Variants in GALNT18 observed in about 807,000 individuals in gnomAD.
GALNT18 encodes the protein GalNAc-transferase 18.
In GALNT18, 44 loss-of-function variants were observed where a neutral mutation model predicts 69.5. The observed-to-expected ratio is 0.63, with a 90% CI of 0.50 to 0.81. GALNT18 has a LOEUF of 0.81. Ranked by LOEUF, GALNT18 falls within the 40% of genes least tolerant of loss-of-function variation. The probability of loss-of-function intolerance (pLI) is 0.00; values close to 1 mark genes in which losing one functional copy is unlikely to be tolerated. For missense variants in GALNT18, 715 were observed against 810.0 expected, an observed-to-expected ratio of 0.88 and a Z score of 1.42; for synonymous variants, 364 against 318.2, an observed-to-expected ratio of 1.14 and a Z score of -1.53.
At chr11:11,365,031 T>C (rs1843783) in intron 6 of GALNT18, among the ~76,000 whole-genome samples, 36,218 of 152,108 alleles carry the variant, frequency 0.24, 4,904 homozygotes, top group Middle Eastern at 0.31. Flanking sequence ...TTTTTTTTCA[T>C]TATTTCTTCT....
In GALNT18 at chr11:11,614,113, G is replaced by A. The variant is rs1321769986; in HGVS notation, c.235+7246C>T. ...AGGAGACCCTCAAGACCCAAATCAAGACAATAGCTTTGTATTAGTCCATTT... is the reference window on the plus strand; with the variant it reads ...AGGAGACCCTCAAGACCCAAATCAAAACAATAGCTTTGTATTAGTCCATTT... On this transcript the variant is annotated intron_variant, in intron 1 of 10. Transcript: ENST00000227756. This position sits in a 1 kb window ranked among gnomAD's most constrained non-coding sequence, Gnocchi z 5.6. Among the ~76,000 whole-genome samples, 1 of 152,106 alleles carries A rather than the reference G, an allele frequency of 6.6e-6. No individual in the cohort carries two copies. The highest frequency in any genetic ancestry group is 1.5e-5 in the Non-Finnish European group (1 of 68,010).
At chr11:11,403,369 T>C (rs960750986) in intron 3 of GALNT18, among the ~76,000 whole-genome samples, 5 of 152,200 alleles carry the variant, frequency 3.3e-5, no homozygotes, top group African/African-American at 1.2e-4. Flanking sequence ...CTCTCAAGTA[T>C]ACAAGAAATC....
chr11:11,364,032 T>C (rs1850700607), intron 6 of GALNT18, among the ~76,000 whole-genome samples: 1 of 152,206 alleles, frequency 6.6e-6, no homozygotes, highest in Non-Finnish European at 1.5e-5. Flanking sequence ...ACCCATAAGT[T>C]CACAGGGATA....
chr11:11,503,988 T>C (rs1393218416), intron 1 of GALNT18, among the ~76,000 whole-genome samples: 4 of 152,224 alleles, frequency 2.6e-5, no homozygotes, highest in Non-Finnish European at 2.9e-5. Flanking sequence ...TGTTTTACCA[T>C]TTTGACATTA....
At chr11:11,572,040 C>T (rs1858804817) in intron 1 of GALNT18, among the ~76,000 whole-genome samples, 3 of 152,238 alleles carry the variant, frequency 2.0e-5, no homozygotes, top group South Asian at 2.1e-4. Flanking sequence ...CACTGAAGAG[C>T]ATGATTCAGC....
At chr11:11,296,295 A>G (rs770301854) in intron 9 of GALNT18, among the ~76,000 whole-genome samples, 4 of 152,222 alleles carry the variant, frequency 2.6e-5, no homozygotes, top group African/African-American at 4.8e-5. Flanking sequence ...CTTTGAAAAT[A>G]GAAACGAGAA....
At chr11:11,344,408 G>T (rs1348584201) in intron 6 of GALNT18, among the ~76,000 whole-genome samples, 1 of 152,162 alleles carries the variant, frequency 6.6e-6, no homozygotes, top group African/African-American at 2.4e-5. Flanking sequence ...GTCCTGCCTT[G>T]TTCCCTGAAC....
At chr11:11,376,599 C>T (rs1462296803) in intron 5 of GALNT18, among the ~76,000 whole-genome samples, 1 of 152,184 alleles carries the variant, frequency 6.6e-6, no homozygotes, top group East Asian at 1.9e-4. Context: ...AAGGTATACA[C>T]TGTCCTGTGG....
At position 11,430,032 on chromosome 11, in the gene GALNT18, C is replaced by T. The variant is rs1378804214; in HGVS notation, c.595+2589G>A. ...GGATGCACCTGTCGTCCCAGCTACT[C>T]GGGAGGCTAAGATGGGAGGATTGCT... On this transcript the variant is annotated intron_variant, in intron 3 of 10. Coordinates refer to ENST00000227756, the MANE Select transcript of GALNT18 (RefSeq NM_198516.3). This position sits in a 1 kb window ranked among gnomAD's most constrained non-coding sequence, Gnocchi z 4.9. 2.0e-5 allele frequency among the ~76,000 whole-genome samples: 3 copies of T among 152,020 alleles called. No individual in the cohort carries two copies. The highest frequency in any genetic ancestry group is 2.1e-4 in the South Asian group (1 of 4,792).
At chr11:11,492,689 T>C (rs1490329147) in intron 1 of GALNT18, among the ~76,000 whole-genome samples, 2 of 137,476 alleles carry the variant, frequency 1.5e-5, no homozygotes, top group African/African-American at 5.6e-5. Flanking sequence ...CAGGTGGGAG[T>C]TGAACAATGA....
chr11:11,327,345 C>T (rs1039508755), intron 8 of GALNT18, among the ~76,000 whole-genome samples, 164 bp from the exon 9 acceptor site: 11 of 152,198 alleles, frequency 7.2e-5, no homozygotes, highest in Admixed American at 4.6e-4. Flanking sequence ...TTTTGCCTTG[C>T]GTAAAGGTGC....
chr11:11,443,325 G>A (rs1477209626), intron 2 of GALNT18, among the ~76,000 whole-genome samples: 2 of 152,028 alleles, frequency 1.3e-5, no homozygotes, highest in Non-Finnish European at 2.9e-5. Flanking sequence ...CACCCCTTGG[G>A]CAAAGGACTT....
At chr11:11,493,662 C>T (rs1856817220) in intron 1 of GALNT18, among the ~76,000 whole-genome samples, 1 of 152,114 alleles carries the variant, frequency 6.6e-6, no homozygotes, top group Non-Finnish European at 1.5e-5. Flanking sequence ...GGAAAAAAAG[C>T]CATGAGGTAC....
At chr11:11,508,907 T>A (rs191895199) in intron 1 of GALNT18, among the ~76,000 whole-genome samples, 2 of 152,306 alleles carry the variant, frequency 1.3e-5, no homozygotes, top group East Asian at 3.9e-4. Context: ...TGGTTTACAA[T>A]AACAAAGAGA....
rs55941729 is a variant in GALNT18 at position 11,337,146 on chromosome 11, A to C, written c.1278+3673T>G. Among the ~76,000 whole-genome samples, 22,210 of 152,228 alleles carry C rather than the reference A, an allele frequency of 0.15. 2,282 individuals are homozygous for C. Among genetic ancestry groups the C allele is most frequent in the Admixed American group, 0.32 (4,902 of 15,290 alleles). On this transcript the variant is annotated intron_variant, in intron 7 of 10. Coordinates refer to ENST00000227756, the MANE Select transcript of GALNT18 (RefSeq NM_198516.3). The surrounding 1 kb of genome is among the most constrained non-coding windows in gnomAD (Gnocchi z 4.9). ...AAAATCCTCTCTGAGGATGAGACCC[A>C]GATGAGTATTTTTTTAAAAGTTCTT...
Position 11,601,888 on chromosome 11 carries a change from T to C in GALNT18, c.235+19471A>G, listed in dbSNP as rs909172666. 1.3e-5 allele frequency among the ~76,000 whole-genome samples: 2 copies of C among 152,238 alleles called. No individual in the cohort carries two copies. The highest frequency in any genetic ancestry group is 2.4e-5 in the African/African-American group (1 of 41,462). On this transcript the variant is annotated intron_variant, in intron 1 of 10. Coordinates refer to ENST00000227756, the MANE Select transcript of GALNT18 (RefSeq NM_198516.3). This position sits in a 1 kb window ranked among gnomAD's most constrained non-coding sequence, Gnocchi z 4.0. ...CTGATTTGCTTAAAGTCACAATTTC[T>C]AAGAACCTATCAACAGCATTACTGT...
At position 11,469,378 on chromosome 11, in the gene GALNT18, G is replaced by A. The variant is rs142553995; in HGVS notation, c.236-20442C>T. On this transcript the variant is annotated intron_variant, in intron 1 of 10. Coordinates refer to ENST00000227756, the MANE Select transcript of GALNT18 (RefSeq NM_198516.3). The surrounding 1 kb of genome is among the most constrained non-coding windows in gnomAD (Gnocchi z 4.2). Reference sequence around the variant, plus strand: ...AGCTTCACAGCAATAGACAGTCCTCGTCAAGTTTGTTGTTATGGCTATGTC... The same window carrying A: ...AGCTTCACAGCAATAGACAGTCCTCATCAAGTTTGTTGTTATGGCTATGTC... 1.6e-3 allele frequency among the ~76,000 whole-genome samples: 242 copies of A among 152,258 alleles called. No homozygotes were observed. Among genetic ancestry groups the A allele is most frequent in the African/African-American group, 5.5e-3 (229 of 41,538 alleles).
intron 3 of GALNT18, among the ~76,000 whole-genome samples, chr11:11,392,607 G>C (rs147997049): frequency 6.6e-6 from 1 of 152,084 alleles, no homozygotes; most frequent in Non-Finnish European, 1.5e-5. Flanking sequence ...CGACAAAAGC[G>C]AAACTCCTTC....
chr11:11,399,110 C>A (rs1854399040), intron 3 of GALNT18, among the ~76,000 whole-genome samples: 1 of 152,176 alleles, frequency 6.6e-6, no homozygotes, highest in Non-Finnish European at 1.5e-5. Flanking sequence ...AGTTAGAATT[C>A]ATGTGGTCAT....
Sources: gnomAD v4.1 joint callset for allele counts (sites outside exome capture counted in the v4.1 genomes callset) on GRCh38, gnomAD v4.1.1 for gene constraint, Gnocchi (gnomAD v3.1) non-coding constraint, MANE v1.5 for transcripts, NCBI Gene and HGNC (gene_info 2026-07-23, HGNC 2026-07-21) for gene names.